PTCHD4: variants seen among roughly 807,000 people sequenced by gnomAD.
PTCHD4 encodes the protein patched domain-containing protein 4.
Under a neutral mutation model 58.1 loss-of-function variants are expected in PTCHD4, and 33 were observed. That is an observed-to-expected ratio of 0.57 (90% CI 0.43 to 0.76). The LOEUF (loss-of-function observed/expected upper bound fraction) is 0.76, where lower values mean the gene tolerates loss of function less well. Among genes scored for constraint, PTCHD4 ranks in the 30% least tolerant of loss-of-function variants. The probability of loss-of-function intolerance (pLI) is 0.00; values close to 1 mark genes in which losing one functional copy is unlikely to be tolerated. For synonymous variants in PTCHD4, 478 were observed against 409.6 expected, an observed-to-expected ratio of 1.17 and a Z score of -2.02; for missense variants, 1,058 against 1,027.1, an observed-to-expected ratio of 1.03 and a Z score of -0.41.
chr6:48,099,486 G>C (rs911370779), intron 1 of PTCHD4, among the ~76,000 whole-genome samples: 1 of 152,158 alleles, frequency 6.6e-6, no homozygotes, highest in Non-Finnish European at 1.5e-5. Context: ...TGAGAGACAG[G>C]CTAGCTGAAA....
chr6:47,943,073 T>C (rs1323038937), intron 4 of PTCHD4, among the ~76,000 whole-genome samples: 2 of 152,186 alleles, frequency 1.3e-5, no homozygotes, highest in African/African-American at 4.8e-5. Context: ...CACGTATCAG[T>C]AATTTATCAA....
chr6:47,973,491 C>T (rs149874068), intron 4 of PTCHD4, among the ~76,000 whole-genome samples: 14 of 152,280 alleles, frequency 9.2e-5, no homozygotes, highest in African/African-American at 2.4e-4. Flanking sequence ...ACTTAACAAC[C>T]GGGAACCTGT....
chr6:47,988,294 G>C (rs1376487891), intron 4 of PTCHD4, among the ~76,000 whole-genome samples: 1 of 152,142 alleles, frequency 6.6e-6, no homozygotes, highest in Non-Finnish European at 1.5e-5. Flanking sequence ...CACTTTGGAA[G>C]AGACAACACC....
intron 3 of PTCHD4, among the ~76,000 whole-genome samples, chr6:48,043,143 C>T (rs959145353): frequency 3.3e-5 from 5 of 151,848 alleles, no homozygotes; most frequent in African/African-American, 1.2e-4. Context: ...CAAACACACA[C>T]ACAAACCAAT....
chr6:47,920,513 C>G (rs1765397536), intron 4 of PTCHD4, among the ~76,000 whole-genome samples: 1 of 152,040 alleles, frequency 6.6e-6, no homozygotes, highest in Non-Finnish European at 1.5e-5. Flanking sequence ...ATCTGTATCC[C>G]AGAAGAGAAA....
chr6:47,899,266 A>T (rs73736548), intron 4 of PTCHD4, among the ~76,000 whole-genome samples: 3 of 152,204 alleles, frequency 2.0e-5, no homozygotes, highest in Non-Finnish European at 4.4e-5. Flanking sequence ...ATGAAATAAC[A>T]TCTGATGTCT....
chr6:48,090,761 A>C (rs1232000680), intron 1 of PTCHD4, among the ~76,000 whole-genome samples: 1 of 152,198 alleles, frequency 6.6e-6, no homozygotes, highest in African/African-American at 2.4e-5. Context: ...TCAAATCATT[A>C]AAAGAAGACA....
intron 4 of PTCHD4, among the ~76,000 whole-genome samples, chr6:47,890,047 G>A (rs915808412): frequency 6.7e-6 from 1 of 149,060 alleles, no homozygotes; most frequent in Non-Finnish European, 1.5e-5. Context: ...ATATATATAT[G>A]TGTGTGTGTG....
chr6:47,875,301 C>G lies in PTCHD4; in HGVS notation c.*3002G>C, dbSNP rs1323475602. On this transcript the variant is annotated 3_prime_UTR_variant, in exon 5 of 5. Transcript: ENST00000339488. ...TGGAAAAACTAGGGAGAGGTGCATA[C>G]AAGCTACCAAAAAAGGTTGGGATTG... is the stretch of plus-strand genomic sequence containing the variant. Among the ~76,000 whole-genome samples the G allele has an allele frequency of 4.0e-5, 6 of 151,796 alleles. No homozygotes were observed. The highest frequency in any genetic ancestry group is 1.2e-4 in the African/African-American group (5 of 41,488).
intron 4 of PTCHD4, chr6:47,901,960 G>A (rs1238855724): frequency 7.9e-7 from 1 of 1,264,526 alleles, no homozygotes; most frequent in Non-Finnish European, 1.0e-6. Flanking sequence ...GAGCAAGTCA[G>A]TAACAAGAGT....
chr6:47,914,761 T>TATC (rs1222547700), intron 4 of PTCHD4, among the ~76,000 whole-genome samples: 2 of 148,304 alleles, frequency 1.3e-5, no homozygotes, highest in Non-Finnish European at 3.0e-5. Context: ...TCTATCTATC[T>TATC]ATCTATCTAT....
intron 1 of PTCHD4, among the ~76,000 whole-genome samples, chr6:48,078,493 T>C (rs996083291): frequency 3.3e-5 from 5 of 152,246 alleles, no homozygotes; most frequent in African/African-American, 1.2e-4. Flanking sequence ...TGCTGCTTTG[T>C]GCACATTCAA....
intron 4 of PTCHD4, among the ~76,000 whole-genome samples, chr6:47,918,221 A>G (rs1765319654): frequency 9.2e-6 from 1 of 108,202 alleles, no homozygotes; most frequent in African/African-American, 3.0e-5. Flanking sequence ...TTTTGTGCAT[A>G]TTACTGTATT....
Position 48,068,414 on chromosome 6 carries a change from G to A in PTCHD4, c.233C>T (p.Ala78Val). 6 of 1,613,974 alleles carry A rather than the reference G, an allele frequency of 3.7e-6. No homozygotes were observed. The highest frequency in any genetic ancestry group is 5.1e-6 in the Non-Finnish European group (6 of 1,179,884). Residue 78 changes from alanine (A) to valine (V), a missense_variant, in exon 3 of 5, where the codon GCC (alanine) becomes GTC (valine). Ala to Val is a moderately conservative substitution (Grantham distance 64). Transcript: ENST00000339488. This position sits in a 1 kb window ranked among gnomAD's most constrained non-coding sequence, Gnocchi z 4.2. ...ERLVAPSHSL[A>V]KIERSLASSL... is the part of the protein sequence containing the mutation. ...GCTGGCCAGGCTGCGCTCGATCTTG[G>A]CCAGGCTGTGGCTGGGAGCGACCAG... is the stretch of plus-strand genomic sequence containing the variant.
At chr6:47,933,887 C>G (rs778486816) in intron 4 of PTCHD4, among the ~76,000 whole-genome samples, 36 of 152,068 alleles carry the variant, frequency 2.4e-4, no homozygotes, top group Non-Finnish European at 4.7e-4. Flanking sequence ...AATTACAAAA[C>G]AAATTACTTC....
chr6:47,984,302 A>G (rs1025880918), intron 4 of PTCHD4, among the ~76,000 whole-genome samples: 1 of 152,170 alleles, frequency 6.6e-6, no homozygotes, highest in Non-Finnish European at 1.5e-5. Context: ...GACTTAGGAA[A>G]CTTACAATCA....
intron 4 of PTCHD4, among the ~76,000 whole-genome samples, chr6:47,957,610 T>A (rs1376969973): frequency 4.0e-5 from 6 of 150,808 alleles, no homozygotes; most frequent in Admixed American, 2.0e-4. Flanking sequence ...ATTTTTATTT[T>A]TTTTTTTGGA....
chr6:48,098,952 G>A (rs1765536350), intron 1 of PTCHD4, among the ~76,000 whole-genome samples: 1 of 151,550 alleles, frequency 6.6e-6, no homozygotes, highest in South Asian at 2.1e-4. Flanking sequence ...ATTTTTTTTT[G>A]AAGACTTAAG....
At chr6:48,099,874 C>G (rs1204301460) in intron 1 of PTCHD4, among the ~76,000 whole-genome samples, 3 of 152,290 alleles carry the variant, frequency 2.0e-5, no homozygotes, top group South Asian at 2.1e-4. Flanking sequence ...CAAATGTCTA[C>G]CGTAAGTAGA....
Sources: allele counts gnomAD v4.1 joint callset (sites outside exome capture counted in the v4.1 genomes callset), GRCh38; gene constraint gnomAD v4.1.1; non-coding constraint Gnocchi (gnomAD v3.1); transcripts MANE v1.5; gene names NCBI Gene and HGNC (gene_info 2026-07-23, HGNC 2026-07-21).